ZSWIM6: variants seen among roughly 807,000 people sequenced by gnomAD.
The protein encoded by ZSWIM6 is zinc finger SWIM domain-containing protein 6.
ZSWIM6 carries 9 observed loss-of-function variants against 113.2 expected under a neutral mutation model. The observed-to-expected ratio is 0.08, with a 90% CI of 0.05 to 0.14. The LOEUF (loss-of-function observed/expected upper bound fraction) is 0.14. Ranked by LOEUF, ZSWIM6 falls within the 10% of genes least tolerant of loss-of-function variation. The pLI, the probability that ZSWIM6 is intolerant of heterozygous loss-of-function variation, is 1.00. For synonymous variants in ZSWIM6, 611 were observed against 606.5 expected (o/e 1.01, Z -0.11); for missense variants, 1,162 against 1,552.2 (o/e 0.75, Z 4.22).
intron 1 of ZSWIM6, among the ~76,000 whole-genome samples, chr5:61,411,934 A>G (rs779975145): frequency 3.3e-5 from 5 of 152,202 alleles, no homozygotes; most frequent in Non-Finnish European, 7.3e-5. Flanking sequence ...ATTTTCATTC[A>G]TATATTGAGA....
intron 1 of ZSWIM6, among the ~76,000 whole-genome samples, chr5:61,343,425 T>C (rs1381803389): frequency 6.6e-5 from 10 of 152,236 alleles, no homozygotes; most frequent in Admixed American, 5.2e-4. Flanking sequence ...GAAGATACCA[T>C]GTAGAATAAG....
intron 1 of ZSWIM6, among the ~76,000 whole-genome samples, chr5:61,386,657 G>T (rs1326224518): frequency 6.6e-6 from 1 of 152,110 alleles, no homozygotes; most frequent in African/African-American, 2.4e-5. Context: ...TTAGGGCTTT[G>T]ACAAAGTGAA....
At chr5:61,435,179 T>G (rs1349346265) in intron 1 of ZSWIM6, among the ~76,000 whole-genome samples, 1 of 152,220 alleles carries the variant, frequency 6.6e-6, no homozygotes, top group East Asian at 1.9e-4. Flanking sequence ...ACTTAAAATC[T>G]TACTGTTTTT....
chr5:61,512,218 G>C (rs999575641), intron 4 of ZSWIM6, among the ~76,000 whole-genome samples: 1 of 151,998 alleles, frequency 6.6e-6, no homozygotes, highest in African/African-American at 2.4e-5. Flanking sequence ...TAATAAGCTT[G>C]TGTGTGTATA....
intron 1 of ZSWIM6, among the ~76,000 whole-genome samples, chr5:61,429,547 T>C (rs1444412745): frequency 6.6e-6 from 1 of 152,148 alleles, no homozygotes; most frequent in Non-Finnish European, 1.5e-5. Flanking sequence ...TATGTACATA[T>C]CAAGTGTGAG....
intron 1 of ZSWIM6, among the ~76,000 whole-genome samples, chr5:61,352,333 G>A (rs1208986717): frequency 2.6e-5 from 4 of 152,206 alleles, no homozygotes; most frequent in Admixed American, 2.0e-4. Flanking sequence ...AGCAGAAACT[G>A]TAAATATGTG....
chr5:61,481,432 A>C (rs937778615), intron 2 of ZSWIM6, among the ~76,000 whole-genome samples: 1 of 152,024 alleles, frequency 6.6e-6, no homozygotes, highest in African/African-American at 2.4e-5. Flanking sequence ...GATCATGAAT[A>C]CTTTTAATTA....
intron 1 of ZSWIM6, among the ~76,000 whole-genome samples, chr5:61,455,791 C>T (rs571537177): frequency 4.6e-5 from 7 of 150,854 alleles, no homozygotes; most frequent in African/African-American, 1.7e-4. Flanking sequence ...TTCCCCGCCC[C>T]GGCCTTCTCC....
At chr5:61,355,431 A>AACACACAAACAC (rs1744879429) in intron 1 of ZSWIM6, among the ~76,000 whole-genome samples, 3 of 127,686 alleles carry the variant, frequency 2.3e-5, no homozygotes, top group Non-Finnish European at 5.0e-5. Context: ...GAGACTTTAA[A>AACACACAAACAC]ACACACACAC....
chr5:61,462,168 C>T (rs1326081399), intron 1 of ZSWIM6, among the ~76,000 whole-genome samples: 1 of 152,184 alleles, frequency 6.6e-6, no homozygotes, highest in Non-Finnish European at 1.5e-5. Context: ...AAGCTGTGGT[C>T]ACTTTTTCTT....
chr5:61,539,512 T>A, intron 11 of ZSWIM6, 84 bp from the exon 12 acceptor site: 2 of 1,432,328 alleles, frequency 1.4e-6, no homozygotes, highest in East Asian at 2.5e-5. Context: ...TCTGTGTGTG[T>A]GTATGGTTGT....
chr5:61,338,296 A>G (rs1042352740), intron 1 of ZSWIM6, among the ~76,000 whole-genome samples: 2 of 152,162 alleles, frequency 1.3e-5, no homozygotes, highest in East Asian at 3.8e-4. Context: ...AGATCACTAA[A>G]TAAAGACGAT....
At position 61,506,712 on chromosome 5, in the gene ZSWIM6, T is replaced by C. The variant is rs140549419; in HGVS notation, c.1333+12302T>C. On this transcript the variant is annotated intron_variant, in intron 4 of 13. Transcript: ENST00000252744. ...CCAAGAAATTTTGTGACTATAGTTTTGCTAGCACAACTAATTATGCCAGTG... is the reference window on the plus strand; with the variant it reads ...CCAAGAAATTTTGTGACTATAGTTTCGCTAGCACAACTAATTATGCCAGTG... Among the ~76,000 whole-genome samples the C allele has an allele frequency of 3.1e-3, 465 of 152,334 alleles. 2 individuals carry two copies. Among genetic ancestry groups the C allele is most frequent in the African/African-American group, 9.3e-3 (387 of 41,580 alleles).
chr5:61,436,125 C>G (rs939593667), intron 1 of ZSWIM6, among the ~76,000 whole-genome samples: 4 of 151,370 alleles, frequency 2.6e-5, no homozygotes, highest in Non-Finnish European at 4.4e-5. Context: ...TGCTTGAACC[C>G]AGGAGGCAGA....
intron 2 of ZSWIM6, among the ~76,000 whole-genome samples, chr5:61,477,532 T>A (rs1165644923): frequency 6.6e-6 from 1 of 152,246 alleles, no homozygotes; most frequent in African/African-American, 2.4e-5. Flanking sequence ...ATTCATGTGT[T>A]GTTTTTCCAT....
intron 1 of ZSWIM6, among the ~76,000 whole-genome samples, chr5:61,348,326 T>A (rs1409510124): frequency 6.6e-6 from 1 of 152,188 alleles, no homozygotes; most frequent in Non-Finnish European, 1.5e-5. Context: ...CATGGTGGAT[T>A]AAGCTCTGAA....
At chr5:61,383,542 C>CTT (rs532040423) in intron 1 of ZSWIM6, among the ~76,000 whole-genome samples, 2 of 147,284 alleles carry the variant, frequency 1.4e-5, no homozygotes, top group African/African-American at 5.0e-5. Context: ...AGAACTTTCT[C>CTT]TTTTTTTTTT....
chr5:61,434,436 C>T (rs1044676114), intron 1 of ZSWIM6, among the ~76,000 whole-genome samples: 5 of 149,528 alleles, frequency 3.3e-5, no homozygotes, highest in African/African-American at 1.3e-4. Context: ...GTCTTTTATC[C>T]CTCACCCCCC....
In ZSWIM6 at chr5:61,543,685, G is replaced by T; in HGVS notation, c.3016G>T (p.Asp1006Tyr). Residue 1006 changes from aspartate (D) to tyrosine (Y), a missense_variant, in exon 14 of 14, where the codon GAT becomes TAT. By Grantham distance (160) the Asp-to-Tyr change is radical. Transcript: ENST00000252744. The surrounding 1 kb of genome is among the most constrained non-coding windows in gnomAD (Gnocchi z 4.3). The stretch of plus-strand genomic sequence containing the variant: ...CTCTGCGCTAACCCTTTGTGAAAAG[G>T]ATCACATAGCTTTTGAGACGGCGTA... The part of the protein sequence containing the change: ...ALSALTLCEK[D>Y]HIAFETAYQI... 6.4e-7 allele frequency: 1 copy of T among 1,551,708 alleles called. No individual in the cohort carries two copies. Among genetic ancestry groups the T allele is most frequent in the African/African-American group, 1.4e-5 (1 of 73,174 alleles).
Sources: allele counts gnomAD v4.1 joint callset (sites outside exome capture counted in the v4.1 genomes callset), GRCh38; gene constraint gnomAD v4.1.1; non-coding constraint Gnocchi (gnomAD v3.1); transcripts MANE v1.5; gene names NCBI Gene and HGNC (gene_info 2026-07-23, HGNC 2026-07-21).